Variants in HOXD8 observed in about 807,000 individuals in gnomAD.
HOXD8 encodes the protein homeobox D8.
A neutral mutation model predicts 25.4 loss-of-function variants in HOXD8; 17 were observed. The observed-to-expected ratio is 0.67, with a 90% CI of 0.46 to 1.00. The LOEUF (loss-of-function observed/expected upper bound fraction) is 1.00, where lower values mean the gene tolerates loss of function less well. Ranked by LOEUF, HOXD8 falls within the 50% of genes least tolerant of loss-of-function variation. The pLI, the probability that HOXD8 is intolerant of heterozygous loss-of-function variation, is 0.00. For missense variants in HOXD8, 511 were observed against 398.5 expected, an observed-to-expected ratio of 1.28 and a Z score of -2.40; for synonymous variants, 203 against 175.3, an observed-to-expected ratio of 1.16 and a Z score of -1.25.
chr2:176,131,021 C>G (rs1430697745), intron 1 of HOXD8, 78 bp downstream of exon 1: 7 of 950,446 alleles, frequency 7.4e-6, no homozygotes, highest in South Asian at 6.9e-5. Context: ...TTAAAACTCC[C>G]GTTCCCTCTC....
chr2:176,131,296 C>T (rs1042525492), intron 1 of HOXD8, 21 bp from the exon 2 acceptor site: 445 of 1,484,154 alleles, frequency 3.0e-4, no homozygotes, highest in South Asian at 4.4e-4. Flanking sequence ...TTCCCCCCCC[C>T]TTTTTTTTTG....
At position 176,130,195 on chromosome 2, in the gene HOXD8, C is replaced by T; in HGVS notation, c.-172C>T. 3.4e-6 allele frequency: 1 copy of T among 290,504 alleles called. No individual in the cohort carries two copies. Among genetic ancestry groups the T allele is most frequent in the Non-Finnish European group, 6.1e-6 (1 of 162,656 alleles). The allele number at this position is 290,504 out of a possible 1,614,324, so 18.0% of individuals were successfully genotyped here. A position where few individuals can be genotyped will look rare whatever the true frequency, so the allele number is the denominator to read the frequency against. Reference sequence around the variant, plus strand: ...AGCTGAGCGCCCGCGGCTGCCTGGCCTCAGAAGCGACGCGCGAGCGCGGGC... The same window carrying T: ...AGCTGAGCGCCCGCGGCTGCCTGGCTTCAGAAGCGACGCGCGAGCGCGGGC... On this transcript the variant is annotated 5_prime_UTR_variant, in exon 1 of 2. Coordinates refer to ENST00000313173, the MANE Select transcript of HOXD8 (RefSeq NM_019558.4).
chr2:176,130,576 G>T lies in HOXD8; in HGVS notation c.210G>T (p.Ala70=), dbSNP rs780727246. ...GFPHAPPQAH[A]HPHPSPPPSG... ...CGCACGCGCCCCCGCAGGCGCACGC[G>T]CACCCGCACCCGTCCCCGCCGCCCT... Residue 70 remains alanine (A), a synonymous_variant, in exon 1 of 2, where the codon GCG becomes GCT. Transcript: ENST00000313173. 2.1e-5 allele frequency: 31 copies of T among 1,454,734 alleles called. No homozygotes were observed. In the Admixed American group the frequency reaches 4.7e-4, roughly 22 times the overall value. The allele number at this position is 1,454,734 out of a possible 1,614,324, so 90.1% of individuals were successfully genotyped here. A position where few individuals can be genotyped will look rare whatever the true frequency, so the allele number is the denominator to read the frequency against.
chr2:176,131,851 G>A lies in HOXD8; in HGVS notation c.*239G>A. On this transcript the variant is annotated 3_prime_UTR_variant, in exon 2 of 2. Transcript: ENST00000313173. ...AGGGTAATTTGATACTGACCTTGTA[G>A]CTATATTTTTATAATGGTTTTTAAT... 1 of 387,344 alleles carries A rather than the reference G, an allele frequency of 2.6e-6. No homozygotes were observed. The highest frequency in any genetic ancestry group is 3.9e-5 in the East Asian group (1 of 25,430). 24.0% of individuals were successfully genotyped at this position (387,344 alleles called of 1,614,324 possible).
chr2:176,131,534 G>A lies in HOXD8; in HGVS notation c.795G>A (p.Arg265=). The A allele has an allele frequency of 6.2e-7, 1 of 1,613,892 alleles. No individual in the cohort carries two copies. The highest frequency in any genetic ancestry group is 8.5e-7 in the Non-Finnish European group (1 of 1,179,886). Residue 265 remains arginine, a synonymous_variant, in exon 2 of 2, where the codon CGG becomes CGA. Transcript: ENST00000313173. ...ACAAGGACAAATTTCCCGTTTCCCG[G>A]CAGGAGGTGAAGGACGGGGAAACGA... ...ENNKDKFPVS[R]QEVKDGETKK...
intron 1 of HOXD8, 94 bp downstream of exon 1, chr2:176,131,037 C>T (rs898039591): frequency 2.3e-6 from 2 of 858,948 alleles, no homozygotes; most frequent in Non-Finnish European, 1.8e-6. Flanking sequence ...CTCTCCCCCT[C>T]CTTTTCCTTC....
At chr2:176,131,287 TCC>T (rs373731128) in intron 1 of HOXD8, 28 bp from the exon 2 acceptor site, 27 of 1,541,296 alleles carry the variant, frequency 1.8e-5, no homozygotes, top group African/African-American at 1.4e-4. Context: ...AAACTTTTAT[TCC>T]CCCCCCCTTT....
chr2:176,130,411 G>GGCGGCT lies in HOXD8; in HGVS notation c.51_56dup (p.Ala22_Ala23dup), dbSNP rs754278329. The GGCGGCT allele has an allele frequency of 7.4e-6, 11 of 1,487,436 alleles. No homozygotes were observed. The South Asian group carries it at 1.3e-4, about 17-fold the overall frequency. The allele number at this position is 1,487,436 out of a possible 1,614,324, so 92.1% of individuals were successfully genotyped here. On this transcript the variant is annotated inframe_insertion, in exon 1 of 2. Transcript: ENST00000313173. ...ACCCGCTGTACTCCAAGTACAAGGC[G>GGCGGCT]GCGGCTGCGGCGGCGGCGGCGGCGG...
In HOXD8 at chr2:176,130,540, C is replaced by T. The variant is rs1467213232; in HGVS notation, c.174C>T (p.Ala58=). 6.8e-7 allele frequency: 1 copy of T among 1,472,966 alleles called. No homozygotes were observed. The highest frequency in any genetic ancestry group is 2.6e-5 in the Admixed American group (1 of 39,178). 91.2% of individuals were successfully genotyped at this position (1,472,966 alleles called of 1,614,324 possible). The stretch of plus-strand genomic sequence containing the variant: ...CCCTGCAGCTCTATGGCAACAGCGC[C>T]GCCGGCTTCCCGCACGCGCCCCCGC... ...AAALQLYGNS[A]AGFPHAPPQA... is the part of the protein sequence containing the mutation. The change falls in exon 1 of 2, where the codon GCC becomes GCT. Residue 58 remains alanine, a synonymous_variant. Coordinates refer to ENST00000313173, the MANE Select transcript of HOXD8 (RefSeq NM_019558.4).
rs1382018626 is a variant in HOXD8, at chr2:176,131,845, C to T, written c.*233C>T. 8 of 402,400 alleles carry T rather than the reference C, an allele frequency of 2.0e-5. No individual in the cohort carries two copies. Among genetic ancestry groups the T allele is most frequent in the East Asian group, 1.5e-4 (4 of 26,744 alleles). 24.9% of individuals were successfully genotyped at this position (402,400 alleles called of 1,614,324 possible). ...TATGGAAGGGTAATTTGATACTGAC[C>T]TTGTAGCTATATTTTTATAATGGTT... On this transcript the variant is annotated 3_prime_UTR_variant, in exon 2 of 2. Coordinates refer to ENST00000313173, the MANE Select transcript of HOXD8 (RefSeq NM_019558.4).
rs1690113494 is a variant in HOXD8 at position 176,131,510 on chromosome 2, C to A, written c.771C>A (p.Asn257Lys). Residue 257 changes from asparagine to lysine, a missense_variant, in exon 2 of 2, where the codon AAC (asparagine) becomes AAA (lysine). By Grantham distance (94) the Asn-to-Lys change is moderately conservative. Coordinates refer to ENST00000313173, the MANE Select transcript of HOXD8 (RefSeq NM_019558.4). ...NRRMKWKKEN[N>K]KDKFPVSRQE... is the part of the protein sequence containing the mutation. ...GAATGAAATGGAAAAAGGAAAACAA[C>A]AAGGACAAATTTCCCGTTTCCCGGC... 1 of 1,613,434 alleles carries A rather than the reference C, an allele frequency of 6.2e-7. No homozygotes were observed. Among genetic ancestry groups the A allele is most frequent in the African/African-American group, 1.3e-5 (1 of 74,772 alleles).
chr2:176,131,392 T>C lies in HOXD8; in HGVS notation c.653T>C (p.Phe218Ser). ...CTAGAGTTGGAAAAGGAATTTCTTTTTAACCCCTATCTGACCAGGAAAAGA... is the reference window on the plus strand; with the variant it reads ...CTAGAGTTGGAAAAGGAATTTCTTTCTAACCCCTATCTGACCAGGAAAAGA... ...QTLELEKEFL[F>S]NPYLTRKRRI... Residue 218 changes from phenylalanine to serine, a missense_variant, in exon 2 of 2, where the codon TTT becomes TCT. Physicochemically the swap from Phe to Ser is radical, Grantham distance 155 (BLOSUM62 -2). Coordinates refer to ENST00000313173, the MANE Select transcript of HOXD8 (RefSeq NM_019558.4). 6.2e-7 allele frequency: 1 copy of C among 1,613,888 alleles called. No homozygotes were observed. Among genetic ancestry groups the C allele is most frequent in the East Asian group, 2.2e-5 (1 of 44,864 alleles).
In HOXD8 at chr2:176,130,880, G is replaced by A; in HGVS notation, c.514G>A (p.Asp172Asn). The change falls in exon 1 of 2, where the codon GAC becomes AAC. Residue 172 changes from aspartate (D) to asparagine (N), a missense_variant. Physicochemically the swap from Asp to Asn is conservative, Grantham distance 23. Coordinates refer to ENST00000313173, the MANE Select transcript of HOXD8 (RefSeq NM_019558.4). Reference sequence around the variant, plus strand: ...ATCGTCCAGTGGTAATATTGGCGAGGACCCAGACCACTTAAATCAGAGCTC... The same window carrying A: ...ATCGTCCAGTGGTAATATTGGCGAGAACCCAGACCACTTAAATCAGAGCTC... ...CKSSSGNIGE[D>N]PDHLNQSSSP... 1 of 1,611,430 alleles carries A rather than the reference G, an allele frequency of 6.2e-7. No homozygotes were observed. The highest frequency in any genetic ancestry group is 1.1e-5 in the South Asian group (1 of 90,810).
Position 176,131,358 on chromosome 2 carries a change from T to C in HOXD8, c.619T>C (p.Phe207Leu). 3 of 1,604,572 alleles carry C rather than the reference T, an allele frequency of 1.9e-6. No individual in the cohort carries two copies. The highest frequency in any genetic ancestry group is 2.6e-6 in the Non-Finnish European group (3 of 1,176,300). Residue 207 changes from phenylalanine (F) to leucine (L), a missense_variant, in exon 2 of 2, where the codon TTC becomes CTC. By Grantham distance (22) the Phe-to-Leu change is conservative (BLOSUM62 0). Coordinates refer to ENST00000313173, the MANE Select transcript of HOXD8 (RefSeq NM_019558.4). Reference protein sequence around the residue: ...RRRGRQTYSRFQTLELEKEFL... With the variant: ...RRRGRQTYSRLQTLELEKEFL... ...AAGAGGAAGACAAACCTACAGTCGC[T>C]TCCAAACTCTAGAGTTGGAAAAGGA...
At chr2:176,131,230 C>A in intron 1 of HOXD8, 87 bp from the exon 2 acceptor site, 1 of 1,281,868 alleles carries the variant, frequency 7.8e-7, no homozygotes, top group Non-Finnish European at 1.1e-6. Context: ...CGTAGACCCC[C>A]GTTCCACAAA....
rs927054107 is a variant in HOXD8 at position 176,130,407 on chromosome 2, A to C, written c.41A>C (p.Lys14Thr). The C allele has an allele frequency of 1.1e-4, 160 of 1,486,610 alleles. No individual in the cohort carries two copies. The highest frequency in any genetic ancestry group is 1.4e-4 in the Non-Finnish European group (156 of 1,125,620). 92.1% of individuals were successfully genotyped at this position (1,486,610 alleles called of 1,614,324 possible). A position where few individuals can be genotyped will look rare whatever the true frequency, so the allele number is the denominator to read the frequency against. ...YFVNPLYSKY[K>T]AAAAAAAAAG... ...GTGAACCCGCTGTACTCCAAGTACA[A>C]GGCGGCGGCTGCGGCGGCGGCGGCG... The change falls in exon 1 of 2, where the codon AAG (lysine) becomes ACG (threonine). Residue 14 changes from lysine to threonine, a missense_variant. Lys to Thr is a moderately conservative substitution (Grantham distance 78, BLOSUM62 -1). Coordinates refer to ENST00000313173, the MANE Select transcript of HOXD8 (RefSeq NM_019558.4).
chr2:176,132,360 T>C lies in HOXD8; in HGVS notation c.*748T>C, dbSNP rs1690132477. 2 of 152,262 alleles carry C rather than the reference T, an allele frequency of 1.3e-5. No individual in the cohort carries two copies. The highest frequency in any genetic ancestry group is 2.4e-5 in the African/African-American group (1 of 41,472). 9.4% of individuals were successfully genotyped at this position (152,262 alleles called of 1,614,324 possible). ...CTGGCAACTCTGGCAAATCGCCTTG[T>C]AAAATGCGTCTCATTTTTTAACTTG... On this transcript the variant is annotated 3_prime_UTR_variant, in exon 2 of 2. Coordinates refer to ENST00000313173, the MANE Select transcript of HOXD8 (RefSeq NM_019558.4).
chr2:176,131,493 T>TGGAAAA lies in HOXD8; in HGVS notation c.755_760dup (p.Lys253_Lys254insArgLys). ...CTGGTTCCAGAACAGGAGAATGAAA[T>TGGAAAA]GGAAAAAGGAAAACAACAAGGACAA... On this transcript the variant is annotated inframe_insertion, in exon 2 of 2. Transcript: ENST00000313173. 6.2e-7 allele frequency: 1 copy of TGGAAAA among 1,607,494 alleles called. No individual in the cohort carries two copies. The highest frequency in any genetic ancestry group is 1.1e-5 in the South Asian group (1 of 90,672).
intron 1 of HOXD8, 120 bp downstream of exon 1, chr2:176,131,063 G>A: frequency 1.4e-6 from 1 of 729,312 alleles, no homozygotes. Flanking sequence ...TAGCCACAGT[G>A]GCTCTTATTC....
Sources: allele counts gnomAD v4.1 joint callset, GRCh38; gene constraint gnomAD v4.1.1; transcripts MANE v1.5; gene names NCBI Gene and HGNC (gene_info 2026-07-23, HGNC 2026-07-21).